Variants in NRXN1 observed in about 807,000 individuals in gnomAD.
The protein encoded by NRXN1 is neurexin 1, also known as neurexin-1.
In NRXN1, 39 loss-of-function variants were observed where a neutral mutation model predicts 150.9. That is an observed-to-expected ratio of 0.26 (90% CI 0.20 to 0.34). The LOEUF is 0.34. NRXN1 is among the 10% of genes least tolerant of loss of function. The pLI, the probability that NRXN1 is intolerant of heterozygous loss-of-function variation, is 1.00. For synonymous variants in NRXN1, 924 were observed against 757.0 expected (o/e 1.22, Z -3.62); for missense variants, 1,815 against 1,949.9 (o/e 0.93, Z 1.30).
chr2:51,010,548 G>A (rs145814766), intron 2 of NRXN1, among the ~76,000 whole-genome samples: 1 of 151,846 alleles, frequency 6.6e-6, no homozygotes, highest in Non-Finnish European at 1.5e-5. Context: ...CACTATTACA[G>A]ACAACATGCA....
chr2:49,968,357 T>C (rs769217705), intron 21 of NRXN1, among the ~76,000 whole-genome samples: 2 of 152,098 alleles, frequency 1.3e-5, no homozygotes, highest in South Asian at 2.1e-4. Context: ...AAACTAAATA[T>C]GCAGATGACT....
intron 17 of NRXN1, among the ~76,000 whole-genome samples, chr2:50,283,543 T>C (rs1018520918): frequency 2.6e-5 from 4 of 152,156 alleles, no homozygotes; most frequent in African/African-American, 7.2e-5. Context: ...GGATATCTAT[T>C]ATAAAAGATA....
At chr2:51,027,402 C>G in intron 2 of NRXN1, 100 bp downstream of exon 2, 1 of 1,260,364 alleles carries the variant, frequency 7.9e-7, no homozygotes, top group Non-Finnish European at 1.0e-6. Flanking sequence ...AACTGCCACA[C>G]GTTTGCCAAG....
At chr2:50,415,685 C>G (rs1437754387) in intron 17 of NRXN1, among the ~76,000 whole-genome samples, 1 of 152,032 alleles carries the variant, frequency 6.6e-6, no homozygotes, top group Non-Finnish European at 1.5e-5. Flanking sequence ...TAAAAATGCA[C>G]AAGTCTCTCT....
At chr2:50,236,747 C>G in intron 18 of NRXN1, 42 bp downstream of exon 18, 2 of 1,582,994 alleles carry the variant, frequency 1.3e-6, no homozygotes, top group Non-Finnish European at 1.7e-6. Flanking sequence ...AAAAAGTTAA[C>G]AGTAAAAAGT....
At chr2:50,837,795 T>C (rs1672317956) in intron 5 of NRXN1, among the ~76,000 whole-genome samples, 1 of 152,130 alleles carries the variant, frequency 6.6e-6, no homozygotes, top group Non-Finnish European at 1.5e-5. Context: ...TTGACATTCA[T>C]GAAAATGCAG....
At chr2:50,917,694 T>G (rs1685411145) in intron 5 of NRXN1, 1 of 151,664 alleles carries the variant, frequency 6.6e-6, no homozygotes, top group African/African-American at 2.4e-5. Flanking sequence ...TAGTGATCTA[T>G]GAACCAGGAA....
intron 2 of NRXN1, among the ~76,000 whole-genome samples, chr2:51,021,211 T>G (rs1218627604): frequency 6.6e-6 from 1 of 151,972 alleles, no homozygotes; most frequent in Non-Finnish European, 1.5e-5. Context: ...CTTATATACT[T>G]TTTGAGAGCA....
intron 5 of NRXN1, among the ~76,000 whole-genome samples, chr2:50,741,640 A>T: frequency 6.6e-6 from 1 of 152,194 alleles, no homozygotes. Flanking sequence ...TCTCATGTTC[A>T]TCAGGAGGTT....
Position 50,347,752 on chromosome 2 carries a change from A to AAG in NRXN1, c.3365-110783_3365-110782insCT. ...ACAGAAAAAGAAAAAGAAAAAGAAA[A>AAG]AAAGAAAAGAAAAACCACACACGCT... On this transcript the variant is annotated intron_variant, in intron 17 of 22. Transcript: ENST00000401669. The surrounding 1 kb of genome is among the most constrained non-coding windows in gnomAD (Gnocchi z 4.9). 1 of 986,498 alleles carries AAG rather than the reference A, an allele frequency of 1.0e-6. No individual in the cohort carries two copies. The highest frequency in any genetic ancestry group is 1.2e-6 in the Non-Finnish European group (1 of 830,724). The allele number at this position is 986,498 out of a possible 1,614,324, so 61.1% of individuals were successfully genotyped here. A position where few individuals can be genotyped will look rare whatever the true frequency, so the allele number is the denominator to read the frequency against.
chr2:50,198,751 A>AG (rs2061939805), intron 18 of NRXN1, among the ~76,000 whole-genome samples: 3 of 152,234 alleles, frequency 2.0e-5, no homozygotes, highest in African/African-American at 7.2e-5. Context: ...GATCAGGCTA[A>AG]AATATTTGCT....
intron 5 of NRXN1, among the ~76,000 whole-genome samples, chr2:50,818,188 A>C (rs1669203263): frequency 6.9e-6 from 1 of 144,272 alleles, no homozygotes; most frequent in African/African-American, 2.5e-5. Flanking sequence ...ATACAAAAAC[A>C]ATTGTTTTTT....
intron 18 of NRXN1, among the ~76,000 whole-genome samples, chr2:50,189,195 A>G (rs1055615730): frequency 2.6e-5 from 4 of 152,096 alleles, no homozygotes; most frequent in Non-Finnish European, 5.9e-5. Flanking sequence ...TCATAAAAAG[A>G]ATTACTTCAT....
chr2:50,022,347 C>G (rs1687701844), intron 21 of NRXN1, among the ~76,000 whole-genome samples: 1 of 152,112 alleles, frequency 6.6e-6, no homozygotes, highest in African/African-American at 2.4e-5. Context: ...ATATTAACTT[C>G]TAGAATTTAA....
At chr2:50,595,318 G>A (rs1223324780) in intron 8 of NRXN1, among the ~76,000 whole-genome samples, 1 of 151,790 alleles carries the variant, frequency 6.6e-6, no homozygotes, top group Admixed American at 6.6e-5. Context: ...ATTTAGATAT[G>A]AGATGCCTTG....
At chr2:50,647,753 T>C (rs922922071) in intron 5 of NRXN1, among the ~76,000 whole-genome samples, 2 of 151,952 alleles carry the variant, frequency 1.3e-5, no homozygotes, top group Non-Finnish European at 1.5e-5. Context: ...AATTAAAATA[T>C]TACACTATTC....
rs879408695 is a variant in NRXN1 at position 50,651,470 on chromosome 2, GTAACA to G, written c.833-27860_833-27856del. Reference sequence around the variant, plus strand: ...TCTACCAAAAATAACATAACATAACGTAACATGACATGACATGACATGACATGACA... The same window carrying G: ...TCTACCAAAAATAACATAACATAACGTGACATGACATGACATGACATGACA... On this transcript the variant is annotated intron_variant, in intron 5 of 22. Transcript: ENST00000401669. Among the ~76,000 whole-genome samples the G allele has an allele frequency of 3.6e-4, 50 of 137,994 alleles. 1 individual carries two copies. The South Asian group carries it at 0.01, about 29-fold the overall frequency. The allele number at this position is 137,994 out of a possible 152,430, so 90.5% of individuals were successfully genotyped here.
intron 5 of NRXN1, among the ~76,000 whole-genome samples, chr2:50,787,928 T>C (rs1451038806): frequency 6.6e-6 from 1 of 152,084 alleles, no homozygotes; most frequent in Non-Finnish European, 1.5e-5. Context: ...AAGGATTAAA[T>C]GGCATAATAT....
intron 17 of NRXN1, among the ~76,000 whole-genome samples, chr2:50,462,574 G>GTACACACACCTGCATATCCACA: frequency 6.6e-6 from 1 of 151,846 alleles, no homozygotes; most frequent in Non-Finnish European, 1.5e-5. Context: ...ACATTACCCT[G>GTACACACACCTGCATATCCACA]TACACACACC....
Sources: allele counts gnomAD v4.1 joint callset (sites outside exome capture counted in the v4.1 genomes callset), GRCh38; gene constraint gnomAD v4.1.1; non-coding constraint Gnocchi (gnomAD v3.1); transcripts MANE v1.5; gene names NCBI Gene and HGNC (gene_info 2026-07-23, HGNC 2026-07-21).